Variants in FBLN7 observed in about 807,000 individuals in gnomAD.
FBLN7 encodes fibulin 7.
FBLN7 carries 31 observed loss-of-function variants against 44.0 expected under a neutral mutation model. The observed-to-expected ratio is 0.70, with a 90% CI of 0.53 to 0.95. FBLN7 has a LOEUF of 0.95. Ranked by LOEUF, FBLN7 falls within the 40% of genes least tolerant of loss-of-function variation. The pLI, the probability that FBLN7 is intolerant of heterozygous loss-of-function variation, is 0.00. For synonymous variants in FBLN7, 262 were observed against 253.4 expected, an observed-to-expected ratio of 1.03 and a Z score of -0.32; for missense variants, 573 against 618.5, an observed-to-expected ratio of 0.93 and a Z score of 0.78.
rs780439125 is a variant in FBLN7, at chr2:112,181,963, G to A, written c.670+87G>A. On this transcript the variant is annotated intron_variant, in intron 5 of 7. Transcript: ENST00000331203. ...GGCTCTCACCCACCGCCCTCCTGCC[G>A]GCACGGGTGGCTTCCTGCGCGCGGT... The A allele has an allele frequency of 3.3e-5, 47 of 1,444,422 alleles. No individual in the cohort carries two copies. In the South Asian group the frequency reaches 6.0e-4, roughly 19 times the overall value. The allele number at this position is 1,444,422 out of a possible 1,614,324, so 89.5% of individuals were successfully genotyped here.
At chr2:112,218,555 C>T in the FBLN7 span, among the ~76,000 whole-genome samples, 1 of 152,084 alleles carries the variant, frequency 6.6e-6, no homozygotes, top group African/African-American at 2.4e-5. Context: ...TTACAGTACC[C>T]AAAAAGAATA....
intron 3 of FBLN7, among the ~76,000 whole-genome samples, chr2:112,174,177 C>A (rs541166984): frequency 1.1e-3 from 162 of 152,324 alleles, no homozygotes; most frequent in African/African-American, 3.7e-3. Context: ...AACCATGGAG[C>A]TGGACAAGGG....
At chr2:112,184,577 G>A (rs189164824) in intron 6 of FBLN7, among the ~76,000 whole-genome samples, 13 of 151,952 alleles carry the variant, frequency 8.6e-5, no homozygotes, top group East Asian at 5.8e-4. Flanking sequence ...GTCTGCACTC[G>A]CATGGGGTGA....
intron 3 of FBLN7, among the ~76,000 whole-genome samples, chr2:112,171,639 A>G (rs1335880717): frequency 6.6e-6 from 1 of 152,256 alleles, no homozygotes; most frequent in Non-Finnish European, 1.5e-5. Flanking sequence ...ATTTCCTTCT[A>G]GTCTTTTATC....
rs1683341050 is a variant in FBLN7, at chr2:112,187,685, A to G, written c.*179A>G. ...GGAATAGCACGGAAGAGCAGCCACA[A>G]AACTCAACTGCTGCCATCACTCTTT... On this transcript the variant is annotated 3_prime_UTR_variant, in exon 8 of 8. Transcript: ENST00000331203. The surrounding 1 kb of genome is among the most constrained non-coding windows in gnomAD (Gnocchi z 5.1). 2 of 731,434 alleles carry G rather than the reference A, an allele frequency of 2.7e-6. No homozygotes were observed. The highest frequency in any genetic ancestry group is 2.7e-5 in the East Asian group (1 of 37,706). 45.3% of individuals were successfully genotyped at this position (731,434 alleles called of 1,614,324 possible).
chr2:112,228,762 T>C, the FBLN7 span, among the ~76,000 whole-genome samples: 1 of 152,178 alleles, frequency 6.6e-6, no homozygotes, highest in East Asian at 1.9e-4. Context: ...AAATGAAAAC[T>C]TTGATGCTTC....
At chr2:112,151,734 G>A (rs1681170895) in intron 1 of FBLN7, 1 of 152,228 alleles carries the variant, frequency 6.6e-6, no homozygotes, top group Admixed American at 6.5e-5. Context: ...TGAGATGTGA[G>A]GAGAAGGCTC....
At chr2:112,197,411 C>G in the FBLN7 span, among the ~76,000 whole-genome samples, 4 of 151,934 alleles carry the variant, frequency 2.6e-5, no homozygotes, top group East Asian at 7.7e-4. Flanking sequence ...TCACCAAAAG[C>G]TAGGAAAAGA....
the FBLN7 span, chr2:112,212,418 T>C: frequency 6.6e-6 from 1 of 152,218 alleles, no homozygotes; most frequent in Admixed American, 6.5e-5. Context: ...GAATGTAGTT[T>C]TTGGTGAAGA....
the FBLN7 span, among the ~76,000 whole-genome samples, chr2:112,197,286 G>C: frequency 6.4e-3 from 889 of 138,100 alleles, 8 homozygotes; most frequent in African/African-American, 0.019. Flanking sequence ...GAGAGAGAGA[G>C]AGAGAGAGAG....
chr2:112,147,120 A>G (rs1680934054), intron 1 of FBLN7, among the ~76,000 whole-genome samples: 1 of 151,800 alleles, frequency 6.6e-6, no homozygotes, highest in South Asian at 2.1e-4. Flanking sequence ...ATGGTGTAGA[A>G]TTGGTGCCAG....
intron 1 of FBLN7, among the ~76,000 whole-genome samples, chr2:112,143,093 C>T (rs745448341): frequency 6.6e-5 from 10 of 152,088 alleles, no homozygotes; most frequent in Non-Finnish European, 1.3e-4. Context: ...CCACTGTGTC[C>T]CTCTTGTCAG....
At chr2:112,181,984 G>C (rs1172205408) in intron 5 of FBLN7, 108 bp downstream of exon 5, 1 of 1,389,878 alleles carries the variant, frequency 7.2e-7, no homozygotes, top group Non-Finnish European at 9.4e-7. Flanking sequence ...CTTCCTGCGC[G>C]CGGTCTCAGA....
intron 1 of FBLN7, among the ~76,000 whole-genome samples, chr2:112,142,361 T>C (rs1210284800): frequency 6.6e-6 from 1 of 152,170 alleles, no homozygotes; most frequent in African/African-American, 2.4e-5. Flanking sequence ...TCATTTGTAA[T>C]GATATATTTT....
chr2:112,187,463 A>C lies in FBLN7; in HGVS notation c.1277A>C (p.His426Pro), dbSNP rs530197977. ...CTGGACCGCTCCTTCCAGGCCAACC[A>C]CGTGTCCAAGGTCACCATCTTTGTA... ...EYLDRSFQAN[H>P]VSKVTIFVSP... Residue 426 changes from histidine to proline, a missense_variant, in exon 8 of 8, where the codon CAC becomes CCC. By Grantham distance (77) the His-to-Pro change is moderately conservative. Transcript: ENST00000331203. This position sits in a 1 kb window ranked among gnomAD's most constrained non-coding sequence, Gnocchi z 5.1. 1 of 1,614,130 alleles carries C rather than the reference A, an allele frequency of 6.2e-7. No individual in the cohort carries two copies. The highest frequency in any genetic ancestry group is 1.7e-5 in the Admixed American group (1 of 60,024).
chr2:112,227,028 GA>G, the FBLN7 span, among the ~76,000 whole-genome samples: 1 of 152,210 alleles, frequency 6.6e-6, no homozygotes, highest in African/African-American at 2.4e-5. Context: ...CAAAAAACTA[GA>G]AATAGGAGAG....
At chr2:112,221,222 G>C in the FBLN7 span, among the ~76,000 whole-genome samples, 33 of 152,246 alleles carry the variant, frequency 2.2e-4, no homozygotes, top group African/African-American at 7.9e-4. Context: ...TTGAAGGTGG[G>C]GAGGTGACTG....
rs536084844 is a variant in FBLN7, at chr2:112,184,879, G to A, written c.809-322G>A. Among the ~76,000 whole-genome samples the A allele has an allele frequency of 6.0e-5, 9 of 150,868 alleles. No individual in the cohort carries two copies. In the East Asian group the frequency reaches 1.4e-3, roughly 23 times the overall value. ...TATATGAAGAATAACAGCCATGGAGGGTAATGGGGCACTTGGGCTGAGAAG... is the reference window on the plus strand; with the variant it reads ...TATATGAAGAATAACAGCCATGGAGAGTAATGGGGCACTTGGGCTGAGAAG... On this transcript the variant is annotated intron_variant, in intron 6 of 7. Coordinates refer to ENST00000331203, the MANE Select transcript of FBLN7 (RefSeq NM_153214.3).
the FBLN7 span, among the ~76,000 whole-genome samples, chr2:112,226,566 G>A: frequency 8.7e-6 from 1 of 114,336 alleles, no homozygotes; most frequent in South Asian, 2.8e-4. Flanking sequence ...TCCAGCCTGG[G>A]CAACAGAGCC....
Sources: gnomAD v4.1 joint callset for allele counts (sites outside exome capture counted in the v4.1 genomes callset) on GRCh38, gnomAD v4.1.1 for gene constraint, Gnocchi (gnomAD v3.1) non-coding constraint, MANE v1.5 for transcripts, NCBI Gene and HGNC (gene_info 2026-07-23, HGNC 2026-07-21) for gene names.